ZNF114: variants seen among roughly 807,000 people sequenced by gnomAD.
ZNF114 encodes zinc finger protein 114 (Y18).
Under a neutral mutation model 6.8 loss-of-function variants are expected in ZNF114, and 8 were observed. The ratio of observed to expected loss-of-function variants is 1.18; its 90% CI spans 0.69 to 2.13. The LOEUF (loss-of-function observed/expected upper bound fraction) is 2.13. Ranked by LOEUF, ZNF114 falls within the 30% of genes most tolerant of loss-of-function variation. ZNF114 has a pLI of 0.00. For synonymous variants in ZNF114, 169 were observed against 185.5 expected (o/e 0.91, Z 0.72); for missense variants, 472 against 519.5 (o/e 0.91, Z 0.89).
At chr19:48,283,845 T>C (rs1464036625) in intron 5 of ZNF114, among the ~76,000 whole-genome samples, 1 of 152,092 alleles carries the variant, frequency 6.6e-6, no homozygotes, top group African/African-American at 2.4e-5. Context: ...GCAATTCTTC[T>C]GCCTCAGCCT....
chr19:48,279,616 G>C, intron 3 of ZNF114, 115 bp from the exon 4 acceptor site: 1 of 676,506 alleles, frequency 1.5e-6, no homozygotes, highest in South Asian at 1.7e-5. Context: ...GGCTGTGGTG[G>C]GGAAGTGTGT....
Position 48,286,418 on chromosome 19 carries a change from T to G in ZNF114, c.794T>G (p.Met265Arg). Residue 265 changes from methionine (M) to arginine (R), a missense_variant, in exon 6 of 6, where the codon ATG becomes AGG. Physicochemically the swap from Met to Arg is moderately conservative, Grantham distance 91. Coordinates refer to ENST00000595607, the MANE Select transcript of ZNF114 (RefSeq NM_153608.4). Reference sequence around the variant, plus strand: ...TCCAGAAATAACTCAATTCACGCCATGCAGATGCAGTTGTATACCGCAGAG... The same window carrying G: ...TCCAGAAATAACTCAATTCACGCCAGGCAGATGCAGTTGTATACCGCAGAG... ...NTSRNNSIHAMQMQLYTAETN... is the reference protein window; with the variant it reads ...NTSRNNSIHARQMQLYTAETN... 1 of 1,614,212 alleles carries G rather than the reference T, an allele frequency of 6.2e-7. No individual in the cohort carries two copies. Among genetic ancestry groups the G allele is most frequent in the Non-Finnish European group, 8.5e-7 (1 of 1,180,046 alleles).
intron 3 of ZNF114, among the ~76,000 whole-genome samples, chr19:48,278,007 T>C (rs971687206): frequency 6.6e-6 from 1 of 152,072 alleles, no homozygotes; most frequent in African/African-American, 2.4e-5. Flanking sequence ...CGATCTCAGC[T>C]CACTGCAACC....
In ZNF114 at chr19:48,279,717, A is replaced by T. The variant is rs1967941972; in HGVS notation, c.-69-14A>T. ...AGGGTGCCTGGATTCTCATAGCTCC[A>T]TTCTTCTCCCAAGCTCTGCCTCACC... On this transcript the variant is annotated splice_polypyrimidine_tract_variant and intron_variant, in intron 3 of 5. Coordinates refer to ENST00000595607, the MANE Select transcript of ZNF114 (RefSeq NM_153608.4). The T allele has an allele frequency of 6.3e-7, 1 of 1,596,870 alleles. No individual in the cohort carries two copies. The highest frequency in any genetic ancestry group is 1.7e-5 in the Admixed American group (1 of 59,888).
At chr19:48,274,065 T>A (rs528655710) in intron 3 of ZNF114, among the ~76,000 whole-genome samples, 5 of 151,136 alleles carry the variant, frequency 3.3e-5, no homozygotes, top group East Asian at 3.9e-4. Context: ...CCAATATATA[T>A]GTATATATAT....
intron 3 of ZNF114, among the ~76,000 whole-genome samples, chr19:48,275,419 AACACACACACACACACACAC>A (rs58275965): frequency 7.5e-6 from 1 of 133,116 alleles, no homozygotes; most frequent in African/African-American, 3.0e-5. Flanking sequence ...TCTCTACTAA[AACACACACACACACACACAC>A]ACACACACAC....
Position 48,271,304 on chromosome 19 carries a change from G to C in ZNF114, c.-317G>C, listed in dbSNP as rs1464977790. 1.3e-5 allele frequency: 2 copies of C among 152,322 alleles called. No homozygotes were observed. Among genetic ancestry groups the C allele is most frequent in the Non-Finnish European group, 2.9e-5 (2 of 68,146 alleles). 9.4% of individuals were successfully genotyped at this position (152,322 alleles called of 1,614,324 possible). A position where few individuals can be genotyped will look rare whatever the true frequency, so the allele number is the denominator to read the frequency against. ...AAATGCAGGAAGCCAGCAAGCGGCC[G>C]GAGTCTCCGGAGCCCGCAAGGAGGC... On this transcript the variant is annotated 5_prime_UTR_variant, in exon 2 of 6. Transcript: ENST00000595607.
At chr19:48,277,526 T>A (rs1967866411) in intron 3 of ZNF114, among the ~76,000 whole-genome samples, 1 of 152,164 alleles carries the variant, frequency 6.6e-6, no homozygotes, top group South Asian at 2.1e-4. Flanking sequence ...GGTATCATTA[T>A]GAGCGCAGGT....
At chr19:48,285,492 T>C (rs2147296431) in intron 5 of ZNF114, among the ~76,000 whole-genome samples, 1 of 149,926 alleles carries the variant, frequency 6.7e-6, no homozygotes. Flanking sequence ...AGTAAGACTC[T>C]GTCTAAAGAA....
chr19:48,277,375 G>A (rs1029349618), intron 3 of ZNF114, among the ~76,000 whole-genome samples: 8 of 152,030 alleles, frequency 5.3e-5, no homozygotes, highest in Non-Finnish European at 1.2e-4. Context: ...AAATGAATAT[G>A]TAGCTGGAAT....
chr19:48,283,714 T>TG (rs1432816872), intron 5 of ZNF114, among the ~76,000 whole-genome samples: 2 of 147,718 alleles, frequency 1.4e-5, no homozygotes, highest in South Asian at 2.2e-4. Context: ...TTCTTCTCCC[T>TG]GGGGGGTTCT....
intron 4 of ZNF114, 140 bp downstream of exon 4, chr19:48,279,948 C>CAGAGGTGCAGAG: frequency 1.6e-6 from 2 of 1,239,214 alleles, no homozygotes; most frequent in Non-Finnish European, 2.3e-6. Flanking sequence ...TAGGTCTCTG[C>CAGAGGTGCAGAG]ACCTCTGCTT....
intron 3 of ZNF114, among the ~76,000 whole-genome samples, chr19:48,278,866 C>T (rs1221168604): frequency 6.6e-6 from 1 of 152,042 alleles, no homozygotes; most frequent in Non-Finnish European, 1.5e-5. Context: ...TCACTTGAAC[C>T]AGGGAGGCGG....
In ZNF114 at chr19:48,286,318, G is replaced by A. The variant is rs1968128051; in HGVS notation, c.694G>A (p.Glu232Lys). Residue 232 changes from glutamate (E) to lysine (K), a missense_variant, in exon 6 of 6, where the codon GAA (glutamate) becomes AAA (lysine). Physicochemically the swap from Glu to Lys is moderately conservative, Grantham distance 56 (BLOSUM62 1). Coordinates refer to ENST00000595607, the MANE Select transcript of ZNF114 (RefSeq NM_153608.4). ...GAATCCATTTGGAAAAGCTTTCCGT[G>A]AAGACGGATCCCTTAGGGCACACAA... Reference protein sequence around the residue: ...QRNPFGKAFREDGSLRAHNTH... With the variant: ...QRNPFGKAFRKDGSLRAHNTH... 6.2e-7 allele frequency: 1 copy of A among 1,614,194 alleles called. No individual in the cohort carries two copies. Among genetic ancestry groups the A allele is most frequent in the Non-Finnish European group, 8.5e-7 (1 of 1,180,034 alleles).
Position 48,287,139 on chromosome 19 carries a change from G to T in ZNF114, c.*261G>T, listed in dbSNP as rs1968152904. 7.4e-6 allele frequency: 2 copies of T among 270,242 alleles called. No individual in the cohort carries two copies. The highest frequency in any genetic ancestry group is 1.0e-4 in the South Asian group (1 of 10,032). 16.7% of individuals were successfully genotyped at this position (270,242 alleles called of 1,614,324 possible). A position where few individuals can be genotyped will look rare whatever the true frequency, so the allele number is the denominator to read the frequency against. ...GGAATATGACAAAGCCTTCAGCGTG[G>T]TCTCAAATTCATGGTTCATACAAGA... On this transcript the variant is annotated 3_prime_UTR_variant, in exon 6 of 6. Coordinates refer to ENST00000595607, the MANE Select transcript of ZNF114 (RefSeq NM_153608.4).
rs749201884 is a variant in ZNF114, at chr19:48,277,794, GGTGTGTGTGTGT to G, written c.-69-1908_-69-1897del. 1.2e-3 allele frequency among the ~76,000 whole-genome samples: 149 copies of G among 119,408 alleles called. 3 individuals carry two copies. In the South Asian group the frequency reaches 0.017, roughly 14 times the overall value. 78.3% of individuals were successfully genotyped at this position (119,408 alleles called of 152,430 possible). ...GAATAGACTGACCAGGGAGGCATTG[GGTGTGTGTGTGT>G]GTGTGTGTGTGTGTGTGTGTGTGTG... On this transcript the variant is annotated intron_variant, in intron 3 of 5. Coordinates refer to ENST00000595607, the MANE Select transcript of ZNF114 (RefSeq NM_153608.4).
rs1968153536 is a variant in ZNF114, at chr19:48,287,171, A to G, written c.*293A>G. 1 of 210,490 alleles carries G rather than the reference A, an allele frequency of 4.8e-6. No homozygotes were observed. Among genetic ancestry groups the G allele is most frequent in the Admixed American group, 5.4e-5 (1 of 18,602 alleles). 13.0% of individuals were successfully genotyped at this position (210,490 alleles called of 1,614,324 possible). A position where few individuals can be genotyped will look rare whatever the true frequency, so the allele number is the denominator to read the frequency against. ...ATTCATGGTTCATACAAGAACTCAC[A>G]CTGCAGAGACTCCTTACGGAAATAA... is the stretch of plus-strand genomic sequence containing the variant. On this transcript the variant is annotated 3_prime_UTR_variant, in exon 6 of 6. Transcript: ENST00000595607.
intron 5 of ZNF114, among the ~76,000 whole-genome samples, chr19:48,283,648 G>A (rs914972830): frequency 2.3e-4 from 35 of 152,258 alleles, no homozygotes; most frequent in African/African-American, 7.7e-4. Context: ...ACAGAGAAAA[G>A]AGAAAGTTGC....
Position 48,285,969 on chromosome 19 carries a change from A to G in ZNF114, c.345A>G (p.Lys115=). 1.2e-6 allele frequency: 2 copies of G among 1,614,048 alleles called. No homozygotes were observed. The highest frequency in any genetic ancestry group is 2.2e-5 in the South Asian group (2 of 91,080). ...AGCCACCTGCAGTTGCCCCTGAGAA[A>G]GATGAATCTCCTGTTAGCATTTGTG... ...NVKPPAVAPE[K]DESPVSICED... The change falls in exon 6 of 6, where the codon AAA becomes AAG. Residue 115 remains lysine (K), a synonymous_variant. Coordinates refer to ENST00000595607, the MANE Select transcript of ZNF114 (RefSeq NM_153608.4).
Sources: allele counts gnomAD v4.1 joint callset (sites outside exome capture counted in the v4.1 genomes callset), GRCh38; gene constraint gnomAD v4.1.1; transcripts MANE v1.5; gene names NCBI Gene and HGNC (gene_info 2026-07-23, HGNC 2026-07-21).